ITFG1: variants seen among roughly 807,000 people sequenced by gnomAD.
ITFG1 encodes T-cell immunomodulatory protein.
A neutral mutation model predicts 81.8 loss-of-function variants in ITFG1; 34 were observed. That is an observed-to-expected ratio of 0.42 (90% CI 0.32 to 0.55). The LOEUF (loss-of-function observed/expected upper bound fraction) is 0.55. Among genes scored for constraint, ITFG1 ranks in the 20% least tolerant of loss-of-function variants. The probability of loss-of-function intolerance (pLI) is 0.17; values close to 1 mark genes in which losing one functional copy is unlikely to be tolerated. For synonymous variants in ITFG1, 285 were observed against 270.6 expected (o/e 1.05, Z -0.52); for missense variants, 672 against 755.4 (o/e 0.89, Z 1.29).
At chr16:47,402,089 A>G (rs1968668577) in intron 6 of ITFG1, among the ~76,000 whole-genome samples, 3 of 152,218 alleles carry the variant, frequency 2.0e-5, no homozygotes, top group African/African-American at 7.2e-5. Context: ...GGCACATGAC[A>G]ACTGTGCATA....
chr16:47,161,708 T>A (rs1020222660), intron 16 of ITFG1, 42 bp downstream of exon 16: 1 of 1,189,208 alleles, frequency 8.4e-7, no homozygotes, highest in Non-Finnish European at 1.3e-6. Flanking sequence ...TAATTCAGAG[T>A]TAGCAGTGTC....
rs1966382950 is a variant in ITFG1 at position 47,275,032 on chromosome 16, G to T, written c.1071-14337C>A. ...GAATTTCTAAGACTTATGAACAATAGAATTTTGAAAGTGTGGCTAACACAA... is the reference window on the plus strand; with the variant it reads ...GAATTTCTAAGACTTATGAACAATATAATTTTGAAAGTGTGGCTAACACAA... On this transcript the variant is annotated intron_variant, in intron 10 of 17. Transcript: ENST00000320640. 3.3e-5 allele frequency among the ~76,000 whole-genome samples: 5 copies of T among 152,276 alleles called. No homozygotes were observed. The South Asian group carries it at 1.0e-3, about 32-fold the overall frequency.
intron 8 of ITFG1, among the ~76,000 whole-genome samples, chr16:47,320,476 A>C (rs1967431679): frequency 6.6e-6 from 1 of 152,174 alleles, no homozygotes; most frequent in East Asian, 1.9e-4. Context: ...TTATTTTGAT[A>C]TACAATTGTG....
chr16:47,404,463 A>G (rs1596961224), intron 6 of ITFG1, among the ~76,000 whole-genome samples: 1 of 152,218 alleles, frequency 6.6e-6, no homozygotes, highest in Admixed American at 6.5e-5. Flanking sequence ...GCTAAACAAC[A>G]TATTAGAGAT....
chr16:47,334,009 C>T (rs1256494010), intron 8 of ITFG1, among the ~76,000 whole-genome samples: 1 of 152,152 alleles, frequency 6.6e-6, no homozygotes, highest in Non-Finnish European at 1.5e-5. Flanking sequence ...GGTATTTTGG[C>T]CCACCAGTAA....
At chr16:47,387,537 T>C (rs1968477794) in intron 6 of ITFG1, among the ~76,000 whole-genome samples, 1 of 152,114 alleles carries the variant, frequency 6.6e-6, no homozygotes, top group Non-Finnish European at 1.5e-5. Context: ...GCCCTACTCA[T>C]GCATAGGAAC....
intron 12 of ITFG1, among the ~76,000 whole-genome samples, chr16:47,242,605 C>T (rs1965947554): frequency 6.6e-6 from 1 of 151,988 alleles, no homozygotes; most frequent in African/African-American, 2.4e-5. Flanking sequence ...ATTATAAGAA[C>T]AATATGAAAT....
intron 2 of ITFG1, among the ~76,000 whole-genome samples, chr16:47,454,837 G>A (rs1305470994): frequency 6.6e-6 from 1 of 151,916 alleles, no homozygotes; most frequent in East Asian, 1.9e-4. Context: ...CTTATTATCT[G>A]AGCGACCCAA....
At chr16:47,449,488 A>T (rs573940308) in intron 5 of ITFG1, 1 of 152,224 alleles carries the variant, frequency 6.6e-6, no homozygotes, top group Non-Finnish European at 1.5e-5. Context: ...CTGAACCATG[A>T]TATTGTTAGA....
intron 6 of ITFG1, among the ~76,000 whole-genome samples, chr16:47,418,045 AT>A (rs939015332): frequency 2.7e-4 from 40 of 149,256 alleles, no homozygotes; most frequent in South Asian, 8.4e-4. Flanking sequence ...TTTGTTTGAG[AT>A]TTTTTTTTTG....
At chr16:47,286,741 A>T (rs1274259525) in intron 10 of ITFG1, among the ~76,000 whole-genome samples, 1 of 152,098 alleles carries the variant, frequency 6.6e-6, no homozygotes, top group Non-Finnish European at 1.5e-5. Flanking sequence ...AGTCCTAAAG[A>T]GAGATCTGGG....
intron 2 of ITFG1, among the ~76,000 whole-genome samples, chr16:47,456,630 T>C (rs1218692714): frequency 6.6e-6 from 1 of 151,332 alleles, no homozygotes; most frequent in African/African-American, 2.4e-5. Context: ...AGGTGGAGGT[T>C]CCAGTGAGCT....
At chr16:47,260,974 A>G (rs903059541) in intron 10 of ITFG1, among the ~76,000 whole-genome samples, 4 of 151,520 alleles carry the variant, frequency 2.6e-5, no homozygotes, top group African/African-American at 9.7e-5. Flanking sequence ...CTCATTTACT[A>G]CTCTATAGTT....
chr16:47,227,762 T>C (rs1319868240), intron 13 of ITFG1, among the ~76,000 whole-genome samples: 1 of 152,176 alleles, frequency 6.6e-6, no homozygotes, highest in African/African-American at 2.4e-5. Context: ...GAAAAACATA[T>C]AAAAGATACT....
intron 13 of ITFG1, among the ~76,000 whole-genome samples, chr16:47,228,558 C>T (rs2151530725): frequency 6.6e-6 from 1 of 152,256 alleles, no homozygotes; most frequent in African/African-American, 2.4e-5. Context: ...GACAGGATCT[C>T]ACTATGTTGC....
At chr16:47,278,368 C>T (rs111656046) in intron 10 of ITFG1, among the ~76,000 whole-genome samples, 269 of 152,264 alleles carry the variant, frequency 1.8e-3, no homozygotes, top group African/African-American at 6.2e-3. Flanking sequence ...GATTGGAAGA[C>T]GCCATTTACA....
At chr16:47,249,981 A>C (rs1966050807) in intron 12 of ITFG1, among the ~76,000 whole-genome samples, 1 of 152,246 alleles carries the variant, frequency 6.6e-6, no homozygotes, top group Admixed American at 6.5e-5. Flanking sequence ...TTGTGTTTAA[A>C]GTAAAAAATT....
chr16:47,266,772 T>C (rs955191288), intron 10 of ITFG1, among the ~76,000 whole-genome samples: 1 of 152,178 alleles, frequency 6.6e-6, no homozygotes, highest in Non-Finnish European at 1.5e-5. Context: ...GTCGTAGTAT[T>C]TAAAGGGATC....
chr16:47,230,352 A>G (rs1965801911), intron 13 of ITFG1, among the ~76,000 whole-genome samples: 1 of 152,216 alleles, frequency 6.6e-6, no homozygotes, highest in African/African-American at 2.4e-5. Flanking sequence ...CTGCAGCGGC[A>G]TAAGCTCAAA....
Sources: gnomAD v4.1 joint callset for allele counts (sites outside exome capture counted in the v4.1 genomes callset) on GRCh38, gnomAD v4.1.1 for gene constraint, MANE v1.5 for transcripts, NCBI Gene and HGNC (gene_info 2026-07-23, HGNC 2026-07-21) for gene names.